Variants in ERI3 observed in about 807,000 individuals in gnomAD.
The protein encoded by ERI3 is ERI1 exoribonuclease 3.
Under a neutral mutation model 44.4 loss-of-function variants are expected in ERI3, and 18 were observed. That is an observed-to-expected ratio of 0.41 (90% CI 0.28 to 0.60). ERI3 has a LOEUF of 0.60. Among genes scored for constraint, ERI3 ranks in the 20% least tolerant of loss-of-function variants. The probability of loss-of-function intolerance (pLI) is 0.36; values close to 1 mark genes in which losing one functional copy is unlikely to be tolerated. For missense variants in ERI3, 294 were observed against 435.5 expected (o/e 0.68, Z 2.89); for synonymous variants, 183 against 164.8 (o/e 1.11, Z -0.84).
At chr1:44,328,222 G>GC in intron 3 of ERI3, among the ~76,000 whole-genome samples, 1 of 95,356 alleles carries the variant, frequency 1.0e-5, no homozygotes, top group East Asian at 3.0e-4. Flanking sequence ...ACGGATACCC[G>GC]CCCCCCACCC....
intron 8 of ERI3, among the ~76,000 whole-genome samples, chr1:44,226,741 T>C (rs1036092159): frequency 4.6e-5 from 7 of 151,690 alleles, no homozygotes; most frequent in African/African-American, 1.7e-4. Context: ...TTATGGTTTC[T>C]AGGCTAATGT....
At chr1:44,353,254 C>T (rs1437737799) in intron 1 of ERI3, 3 of 984,974 alleles carry the variant, frequency 3.0e-6, no homozygotes, top group Non-Finnish European at 3.6e-6. Context: ...GTAAGGCTGA[C>T]AATATTCAGA....
At chr1:44,242,855 G>A (rs1644469399) in intron 8 of ERI3, among the ~76,000 whole-genome samples, 1 of 152,194 alleles carries the variant, frequency 6.6e-6, no homozygotes, top group Non-Finnish European at 1.5e-5. Context: ...TACTGCAGAC[G>A]AGCTCATTAG....
At chr1:44,303,675 T>C (rs1396449493) in intron 6 of ERI3, among the ~76,000 whole-genome samples, 1 of 151,872 alleles carries the variant, frequency 6.6e-6, no homozygotes, top group Non-Finnish European at 1.5e-5. Context: ...GGGAGGGGTG[T>C]GGGGGTGCCA....
intron 2 of ERI3, among the ~76,000 whole-genome samples, chr1:44,349,082 G>C (rs1474232319): frequency 6.6e-6 from 1 of 152,226 alleles, no homozygotes; most frequent in Non-Finnish European, 1.5e-5. Context: ...CTATCGGGAA[G>C]CTGCTCACTC....
chr1:44,234,411 C>T (rs948606575), intron 8 of ERI3, among the ~76,000 whole-genome samples: 2 of 151,796 alleles, frequency 1.3e-5, no homozygotes, highest in Non-Finnish European at 2.9e-5. Context: ...ACGCTATAAT[C>T]CCAGCACTTT....
intron 3 of ERI3, among the ~76,000 whole-genome samples, chr1:44,325,731 G>A (rs867210676): frequency 4.6e-5 from 7 of 151,892 alleles, no homozygotes; most frequent in South Asian, 2.1e-4. Context: ...GCATGATCTC[G>A]GCTCACTGCA....
chr1:44,302,921 C>T (rs1335280872), intron 6 of ERI3, among the ~76,000 whole-genome samples: 2 of 152,214 alleles, frequency 1.3e-5, no homozygotes, highest in Non-Finnish European at 2.9e-5. Context: ...CCTCTCTAGG[C>T]GTCAGTTTCC....
chr1:44,266,106 T>C (rs1644985904), intron 7 of ERI3, among the ~76,000 whole-genome samples: 1 of 152,260 alleles, frequency 6.6e-6, no homozygotes, highest in South Asian at 2.1e-4. Context: ...GCTCATCAAC[T>C]GTGAACAAAG....
chr1:44,221,557 A>G lies in ERI3; in HGVS notation c.*1T>C, dbSNP rs756034067. The G allele has an allele frequency of 5.0e-6, 8 of 1,613,958 alleles. No individual in the cohort carries two copies. The Admixed American group carries it at 5.0e-5, about 10-fold the overall frequency. ...TCCTGCCCCATCCTGTCCTCGGCCA[A>G]TCAGAACGGCTTCGATGTCTGCTTG... is the stretch of plus-strand genomic sequence containing the variant. On this transcript the variant is annotated 3_prime_UTR_variant, in exon 9 of 9. Transcript: ENST00000372257. This position sits in a 1 kb window ranked among gnomAD's most constrained non-coding sequence, Gnocchi z 5.9.
At chr1:44,321,779 A>G (rs1226454932) in intron 3 of ERI3, among the ~76,000 whole-genome samples, 3 of 152,250 alleles carry the variant, frequency 2.0e-5, no homozygotes, top group Non-Finnish European at 4.4e-5. Flanking sequence ...AGCTGGGCCC[A>G]CAATGAAATT....
At chr1:44,291,134 G>C (rs993643302) in intron 6 of ERI3, among the ~76,000 whole-genome samples, 1 of 152,208 alleles carries the variant, frequency 6.6e-6, no homozygotes, top group African/African-American at 2.4e-5. Context: ...GTCAAGCTAG[G>C]AAATAGGGGT....
At chr1:44,250,457 G>C (rs1490019204) in intron 7 of ERI3, among the ~76,000 whole-genome samples, 5 of 152,214 alleles carry the variant, frequency 3.3e-5, no homozygotes, top group Admixed American at 1.3e-4. Flanking sequence ...CGTGTGAAAG[G>C]GGGACGGAGG....
chr1:44,344,603 T>C (rs1646748457), intron 2 of ERI3, among the ~76,000 whole-genome samples: 1 of 152,228 alleles, frequency 6.6e-6, no homozygotes, highest in Non-Finnish European at 1.5e-5. Context: ...CTCTTTTCTA[T>C]TGATGTCTTT....
chr1:44,332,827 T>C (rs752747084), intron 3 of ERI3, among the ~76,000 whole-genome samples: 13 of 151,926 alleles, frequency 8.6e-5, no homozygotes, highest in Non-Finnish European at 1.9e-4. Context: ...TGGAGGAAGA[T>C]GGCTTTGGAA....
At position 44,354,952 on chromosome 1, in the gene ERI3, G is replaced by A. The variant is rs777742771; in HGVS notation, c.75C>T (p.Pro25=). ...TCCAGGGGAGAGTAAGGGGAGGGGC[G>A]GGGGGCCAGGAGACCAGCCCTCCTT... ...PWEGGLVSWP[P]APPLTLPWTW... The change falls in exon 1 of 9, where the codon CCC becomes CCT. Residue 25 remains proline, a synonymous_variant. Transcript: ENST00000372257. 1 of 1,340,946 alleles carries A rather than the reference G, an allele frequency of 7.5e-7. No individual in the cohort carries two copies. Among genetic ancestry groups the A allele is most frequent in the Non-Finnish European group, 9.6e-7 (1 of 1,038,536 alleles). 83.1% of individuals were successfully genotyped at this position (1,340,946 alleles called of 1,614,324 possible).
chr1:44,238,359 G>A (rs984042373), intron 8 of ERI3, among the ~76,000 whole-genome samples: 48 of 152,266 alleles, frequency 3.2e-4, no homozygotes, highest in African/African-American at 1.1e-3. Flanking sequence ...GCAGGCTGCA[G>A]TGATAATCCC....
intron 3 of ERI3, 40 bp downstream of exon 3, chr1:44,339,004 TG>T (rs1173217490): frequency 6.3e-7 from 1 of 1,596,986 alleles, no homozygotes; most frequent in Non-Finnish European, 8.6e-7. Context: ...CCTCCCTCCT[TG>T]CCCCCCCCAC....
At chr1:44,264,313 T>C (rs769932156) in intron 7 of ERI3, among the ~76,000 whole-genome samples, 3 of 152,140 alleles carry the variant, frequency 2.0e-5, no homozygotes, top group African/African-American at 7.2e-5. Flanking sequence ...GAGAGAAGGA[T>C]GGCAGCACCC....
Sources: allele counts gnomAD v4.1 joint callset (sites outside exome capture counted in the v4.1 genomes callset), GRCh38; gene constraint gnomAD v4.1.1; non-coding constraint Gnocchi (gnomAD v3.1); transcripts MANE v1.5; gene names NCBI Gene and HGNC (gene_info 2026-07-23, HGNC 2026-07-21).